Variants in MDH1 observed in about 807,000 individuals in gnomAD.
MDH1 encodes the protein malate dehydrogenase 1, also known as malate dehydrogenase, cytoplasmic.
In MDH1, 15 loss-of-function variants were observed where a neutral mutation model predicts 38.7. The ratio of observed to expected loss-of-function variants is 0.39; its 90% CI spans 0.26 to 0.60. The LOEUF (loss-of-function observed/expected upper bound fraction) is 0.60. MDH1 is among the 20% of genes least tolerant of loss of function. MDH1 has a pLI of 0.56. For synonymous variants in MDH1, 144 were observed against 143.6 expected (o/e 1.00, Z -0.02); for missense variants, 368 against 405.2 (o/e 0.91, Z 0.79).
chr2:63,604,555 T>G, intron 5 of MDH1, 141 bp from the exon 6 acceptor site: 2 of 692,322 alleles, frequency 2.9e-6, no homozygotes, highest in Non-Finnish European at 4.7e-6. Context: ...ATTTACATTT[T>G]TTACAAGTCA....
At chr2:63,600,930 A>G (rs1433682230) in intron 5 of MDH1, among the ~76,000 whole-genome samples, 1 of 152,242 alleles carries the variant, frequency 6.6e-6, no homozygotes, top group Non-Finnish European at 1.5e-5. Context: ...CAATGACACT[A>G]ACAACCACTT....
At chr2:63,589,828 T>G (rs1709132248) in intron 1 of MDH1, 1 of 217,782 alleles carries the variant, frequency 4.6e-6, no homozygotes, top group Non-Finnish European at 9.5e-6. Context: ...GTAGGAATAA[T>G]CTGCGTACTG....
intron 1 of MDH1, chr2:63,593,693 C>G: frequency 2.1e-6 from 1 of 471,348 alleles, no homozygotes; most frequent in Non-Finnish European, 4.4e-6. Flanking sequence ...AATGGTTCAC[C>G]TTAACTGAAT....
chr2:63,591,194 C>A (rs1472577805), intron 1 of MDH1, among the ~76,000 whole-genome samples: 1 of 152,202 alleles, frequency 6.6e-6, no homozygotes, highest in Non-Finnish European at 1.5e-5. Context: ...GCCCAGATAT[C>A]TGAGCAAAGA....
intron 1 of MDH1, 174 bp downstream of exon 1, chr2:63,589,220 G>A: frequency 1.3e-6 from 2 of 1,570,742 alleles, no homozygotes; most frequent in East Asian, 2.4e-5. Flanking sequence ...AATGGGAAGG[G>A]ATTGATTTCC....
Position 63,605,644 on chromosome 2 carries a change from C to T in MDH1, c.789+251C>T, listed in dbSNP as rs143194392. 5.9e-5 allele frequency among the ~76,000 whole-genome samples: 9 copies of T among 152,264 alleles called. No homozygotes were observed. The East Asian group carries it at 1.7e-3, about 29-fold the overall frequency. On this transcript the variant is annotated intron_variant, in intron 7 of 8. Transcript: ENST00000233114. ...GAGATTGCACATGGAAAACACCTGG[C>T]ACAATGCCTGATACATAGTAGGGGT... is the stretch of plus-strand genomic sequence containing the variant.
intron 1 of MDH1, among the ~76,000 whole-genome samples, chr2:63,592,375 G>T (rs1709216909): frequency 6.6e-6 from 1 of 152,180 alleles, no homozygotes; most frequent in Non-Finnish European, 1.5e-5. Context: ...GTTTGAGACA[G>T]GATCTCACTC....
chr2:63,596,040 T>C (rs1384023679), intron 3 of MDH1, among the ~76,000 whole-genome samples: 1 of 152,214 alleles, frequency 6.6e-6, no homozygotes, highest in Admixed American at 6.5e-5. Flanking sequence ...CCTTACCATA[T>C]GCTCTATAGT....
Position 63,605,295 on chromosome 2 carries a change from G to C in MDH1, c.691G>C (p.Gly231Arg). The change falls in exon 7 of 9, where the codon GGC (glycine) becomes CGC (arginine). Residue 231 changes from glycine to arginine, a missense_variant. Gly to Arg is a moderately radical substitution (Grantham distance 125, BLOSUM62 -2). Coordinates refer to ENST00000233114, the MANE Select transcript of MDH1 (RefSeq NM_005917.4). ...GEFVTTVQQR[G>R]AAVIKARKLS... ...CCCTTCCCAGACTGTGCAGCAGCGT[G>C]GCGCTGCTGTCATCAAGGCTCGAAA... The C allele has an allele frequency of 1.2e-6, 2 of 1,610,068 alleles. No individual in the cohort carries two copies. Among genetic ancestry groups the C allele is most frequent in the Non-Finnish European group, 1.7e-6 (2 of 1,176,282 alleles).
At chr2:63,602,777 G>GCTC (rs1312728475) in intron 5 of MDH1, among the ~76,000 whole-genome samples, 6 of 152,064 alleles carry the variant, frequency 3.9e-5, no homozygotes, top group Non-Finnish European at 8.8e-5. Context: ...GTGGAATCAT[G>GCTC]CAGTAAGGAA....
In MDH1 at chr2:63,594,718, G is replaced by T. The variant is rs1204049186; in HGVS notation, c.102+132G>T. ...TCCCAGTAAATGTAATAGGCACATTGCTATAAATGGAAGCTACTAAGGTAT... is the reference window on the plus strand; with the variant it reads ...TCCCAGTAAATGTAATAGGCACATTTCTATAAATGGAAGCTACTAAGGTAT... On this transcript the variant is annotated intron_variant, in intron 2 of 8. Coordinates refer to ENST00000233114, the MANE Select transcript of MDH1 (RefSeq NM_005917.4). The T allele has an allele frequency of 4.6e-6, 3 of 653,314 alleles. No homozygotes were observed. In the East Asian group the frequency reaches 8.6e-5, roughly 19 times the overall value. The allele number at this position is 653,314 out of a possible 1,614,324, so 40.5% of individuals were successfully genotyped here.
chr2:63,606,165 T>A, intron 8 of MDH1, 137 bp downstream of exon 8: 1 of 814,600 alleles, frequency 1.2e-6, no homozygotes, highest in Non-Finnish European at 2.1e-6. Flanking sequence ...CAAGATTGCT[T>A]GAGCCCAGGA....
rs1354695138 is a variant in MDH1 at position 63,607,113 on chromosome 2, C to T, written c.*126C>T. On this transcript the variant is annotated 3_prime_UTR_variant, in exon 9 of 9. Coordinates refer to ENST00000233114, the MANE Select transcript of MDH1 (RefSeq NM_005917.4). The stretch of plus-strand genomic sequence containing the variant: ...GAAAAACAACACATTTTAAAGATTA[C>T]GTGCTTCTTGGTACAGGTTTGTGAA... The T allele has an allele frequency of 1.4e-5, 13 of 932,878 alleles. No homozygotes were observed. The highest frequency in any genetic ancestry group is 2.8e-5 in the East Asian group (1 of 35,110). The allele number at this position is 932,878 out of a possible 1,614,324, so 57.8% of individuals were successfully genotyped here.
intron 6 of MDH1, 94 bp from the exon 7 acceptor site, chr2:63,605,186 T>C (rs746437652): frequency 2.0e-4 from 160 of 807,554 alleles, no homozygotes; most frequent in Non-Finnish European, 3.1e-4. Context: ...TAAGCTCTGG[T>C]CATAGCTTTT....
At chr2:63,600,362 C>G (rs1049560310) in intron 5 of MDH1, among the ~76,000 whole-genome samples, 2 of 152,184 alleles carry the variant, frequency 1.3e-5, no homozygotes, top group Non-Finnish European at 2.9e-5. Context: ...AGTCAGAGAA[C>G]CTGCTCAGAG....
chr2:63,597,793 T>G, intron 4 of MDH1: 1 of 339,642 alleles, frequency 2.9e-6, no homozygotes, highest in African/African-American at 2.1e-5. Context: ...ATTTTTCCTA[T>G]TAGTATAACG....
intron 3 of MDH1, among the ~76,000 whole-genome samples, chr2:63,596,649 G>A (rs1166636274): frequency 2.0e-5 from 3 of 152,148 alleles, no homozygotes; most frequent in African/African-American, 7.2e-5. Flanking sequence ...CCCATTTTCA[G>A]ACTTATGGCA....
intron 5 of MDH1, among the ~76,000 whole-genome samples, chr2:63,601,475 C>A (rs113299713): frequency 0.013 from 2,005 of 152,230 alleles, 48 homozygotes; most frequent in African/African-American, 0.045. Context: ...AAGAAAATTA[C>A]TAGGGCTGGA....
At chr2:63,593,456 G>A (rs1575720188) in intron 1 of MDH1, 1 of 414,830 alleles carries the variant, frequency 2.4e-6, no homozygotes, top group Non-Finnish European at 5.0e-6. Flanking sequence ...CCAAATTGCT[G>A]AGTGCTGCTA....
Sources: gnomAD v4.1 joint callset for allele counts (sites outside exome capture counted in the v4.1 genomes callset) on GRCh38, gnomAD v4.1.1 for gene constraint, MANE v1.5 for transcripts, NCBI Gene and HGNC (gene_info 2026-07-23, HGNC 2026-07-21) for gene names.